Variants in CHI3L1 observed in about 807,000 individuals in gnomAD.
CHI3L1 encodes the protein chitinase 3 like 1.
A neutral mutation model predicts 40.7 loss-of-function variants in CHI3L1; 30 were observed. The observed-to-expected ratio is 0.74, with a 90% confidence interval of 0.55 to 1.00. The LOEUF (loss-of-function observed/expected upper bound fraction) is 1.00, where lower values mean the gene tolerates loss of function less well. Among genes scored for constraint, CHI3L1 ranks in the 50% least tolerant of loss-of-function variants. CHI3L1 has a pLI of 0.00. For synonymous variants in CHI3L1, 210 were observed against 192.1 expected, an observed-to-expected ratio of 1.09 and a Z score of -0.77; for missense variants, 493 against 492.2, an observed-to-expected ratio of 1.00 and a Z score of -0.01.
At chr1:203,185,425 G>T (rs377244642) in intron 2 of CHI3L1, 40 bp from the exon 3 acceptor site, 11 of 1,583,888 alleles carry the variant, frequency 6.9e-6, no homozygotes, top group South Asian at 1.1e-5. Context: ...GCCAGGATTC[G>T]GCAAGAGACC....
At chr1:203,184,524 C>G in intron 4 of CHI3L1, 52 bp downstream of exon 4, 1 of 1,476,370 alleles carries the variant, frequency 6.8e-7, no homozygotes, top group South Asian at 1.1e-5. Context: ...CCAAGCTCCT[C>G]ACTCCTATGC....
Position 203,180,506 on chromosome 1 carries a change from C to T in CHI3L1, c.858G>A (p.Arg286=). The change falls in exon 8 of 10, where the codon CGG becomes CGA. Residue 286 remains arginine (R), a synonymous_variant. Transcript: ENST00000255409. ...APISGPGIPG[R]FTKEAGTLAY... is the part of the protein sequence containing the mutation. ...CAAGGGTCCCTGCCTCCTTGGTGAA[C>T]CGGCCTGGAATTCCCGGTCCTGAGA... The T allele has an allele frequency of 6.2e-7, 1 of 1,604,842 alleles. No homozygotes were observed. The highest frequency in any genetic ancestry group is 8.5e-7 in the Non-Finnish European group (1 of 1,176,784).
chr1:203,182,902 G>A (rs991275574), intron 5 of CHI3L1, 50 bp from the exon 6 acceptor site: 9 of 1,603,940 alleles, frequency 5.6e-6, no homozygotes, highest in African/African-American at 4.0e-5. Flanking sequence ...TGGCATGAGA[G>A]GTAGACTCAT....
At position 203,186,306 on chromosome 1, in the gene CHI3L1, G is replaced by A. The variant is rs1020608833; in HGVS notation, c.55+10C>T. On this transcript the variant is annotated intron_variant, in intron 2 of 9. Coordinates refer to ENST00000255409, the MANE Select transcript of CHI3L1 (RefSeq NM_001276.4). The stretch of plus-strand genomic sequence containing the variant: ...CTGGACTTAAAAGTGGAGGTGGAGG[G>A]ATTACTCACAGCACTGGAGCAGCAC... 1 of 1,584,712 alleles carries A rather than the reference G, an allele frequency of 6.3e-7. No individual in the cohort carries two copies. The highest frequency in any genetic ancestry group is 1.3e-5 in the African/African-American group (1 of 74,334).
Position 203,183,649 on chromosome 1 carries a change from G to A in CHI3L1, c.457C>T (p.Leu153=). 6.2e-7 allele frequency: 1 copy of A among 1,614,096 alleles called. No homozygotes were observed. ...GRRDKQHFTT[L]IKEMKAEFIK... is the part of the protein sequence containing the mutation. ...CCTGACCTGACCAGCACCTTGATTA[G>A]GGTGGTAAAATGCTGTTTGTCTCTC... Residue 153 remains leucine, a synonymous_variant, in exon 5 of 10, where the codon CTA becomes TTA. Coordinates refer to ENST00000255409, the MANE Select transcript of CHI3L1 (RefSeq NM_001276.4).
chr1:203,179,834 C>T lies in CHI3L1; in HGVS notation c.938G>A (p.Gly313Asp). 6.2e-7 allele frequency: 1 copy of T among 1,614,142 alleles called. No individual in the cohort carries two copies. The highest frequency in any genetic ancestry group is 2.2e-5 in the East Asian group (1 of 44,870). Residue 313 changes from glycine (G) to aspartate (D), a missense_variant, in exon 9 of 10, where the codon GGC becomes GAC. By Grantham distance (94) the Gly-to-Asp change is moderately conservative. Transcript: ENST00000255409. ...LRGATVHRIL[G>D]QQVPYATKGN... ...CTTGGTGGCATAGGGGACCTGCTGG[C>T]CGAGGATTCTATGGACTGTGGCTCC...
rs552361269 is a variant in CHI3L1, at chr1:203,184,720, G to A, written c.258-88C>T. 5 of 1,165,302 alleles carry A rather than the reference G, an allele frequency of 4.3e-6. No individual in the cohort carries two copies. In the African/African-American group the frequency reaches 7.6e-5, roughly 18 times the overall value. 72.2% of individuals were successfully genotyped at this position (1,165,302 alleles called of 1,614,324 possible). On this transcript the variant is annotated intron_variant, in intron 3 of 9. Transcript: ENST00000255409. Reference sequence around the variant, plus strand: ...CCCCATGTCTGAGAGGCCATAGAAGGTTTCCTGCTTTGGGTGAGAGGCTGG... The same window carrying A: ...CCCCATGTCTGAGAGGCCATAGAAGATTTCCTGCTTTGGGTGAGAGGCTGG...
At position 203,186,310 on chromosome 1, in the gene CHI3L1, AC is replaced by A; in HGVS notation, c.55+5del. On this transcript the variant is annotated splice_donor_5th_base_variant and intron_variant, in intron 2 of 9. Coordinates refer to ENST00000255409, the MANE Select transcript of CHI3L1 (RefSeq NM_001276.4). ...ACTTAAAAGTGGAGGTGGAGGGATT[AC>A]TCACAGCACTGGAGCAGCACCAGGA... The A allele has an allele frequency of 6.3e-7, 1 of 1,586,104 alleles. No individual in the cohort carries two copies. The highest frequency in any genetic ancestry group is 8.6e-7 in the Non-Finnish European group (1 of 1,165,168).
chr1:203,184,959 C>G (rs1656024014), intron 3 of CHI3L1, among the ~76,000 whole-genome samples: 2 of 152,098 alleles, frequency 1.3e-5, no homozygotes, highest in South Asian at 4.1e-4. Context: ...GGAGAGGGTT[C>G]CCCTCTCCCA....
In CHI3L1 at chr1:203,186,700, G is replaced by T; in HGVS notation, c.-77C>A. 3 of 1,556,936 alleles carry T rather than the reference G, an allele frequency of 1.9e-6. No homozygotes were observed. Among genetic ancestry groups the T allele is most frequent in the Non-Finnish European group, 2.7e-6 (3 of 1,129,290 alleles). On this transcript the variant is annotated 5_prime_UTR_variant, in exon 1 of 10. Transcript: ENST00000255409. ...TCCTGGTGCCAGCTACCTAGACAGG[G>T]CCTCTTCCCCAGGCCCTGTACTTCC...
In CHI3L1 at chr1:203,185,215, G is replaced by A; in HGVS notation, c.226C>T (p.Leu76Phe). The change falls in exon 3 of 10, where the codon CTC (leucine) becomes TTC (phenylalanine). Residue 76 changes from leucine (L) to phenylalanine (F), a missense_variant. Physicochemically the swap from Leu to Phe is conservative, Grantham distance 22. Coordinates refer to ENST00000255409, the MANE Select transcript of CHI3L1 (RefSeq NM_001276.4). ...TTGAGTGTGTTGAGCATGCCGTAGA[G>A]CGTCACATCATTCCACTCCCAGGTG... ...IDTWEWNDVT[L>F]YGMLNTLKNR... 1 of 1,614,146 alleles carries A rather than the reference G, an allele frequency of 6.2e-7. No individual in the cohort carries two copies. Among genetic ancestry groups the A allele is most frequent in the Non-Finnish European group, 8.5e-7 (1 of 1,179,988 alleles).
Position 203,185,347 on chromosome 1 carries a change from A to G in CHI3L1, c.94T>C (p.Ser32Pro). ...YKLVCYYTSW[S>P]QYREGDGSCF... ...CTCCCATCGCCTTCCCGGTACTGGG[A>G]CCAGCTGGTGTAGTAGCAGACCAGT... The change falls in exon 3 of 10, where the codon TCC becomes CCC. Residue 32 changes from serine (S) to proline (P), a missense_variant. By Grantham distance (74) the Ser-to-Pro change is moderately conservative (BLOSUM62 -1). Coordinates refer to ENST00000255409, the MANE Select transcript of CHI3L1 (RefSeq NM_001276.4). 1 of 1,614,092 alleles carries G rather than the reference A, an allele frequency of 6.2e-7. No individual in the cohort carries two copies. Among genetic ancestry groups the G allele is most frequent in the South Asian group, 1.1e-5 (1 of 91,076 alleles).
intron 2 of CHI3L1, among the ~76,000 whole-genome samples, chr1:203,185,827 G>A (rs1392669691): frequency 6.6e-6 from 1 of 152,172 alleles, no homozygotes; most frequent in Non-Finnish European, 1.5e-5. Context: ...CTTCATCCAT[G>A]AGGGACTCTG....
Position 203,179,362 on chromosome 1 carries a change from G to A in CHI3L1, c.*83C>T, listed in dbSNP as rs1655876078. 8 of 1,261,950 alleles carry A rather than the reference G, an allele frequency of 6.3e-6. No individual in the cohort carries two copies. The highest frequency in any genetic ancestry group is 3.0e-5 in the African/African-American group (2 of 66,674). The allele number at this position is 1,261,950 out of a possible 1,614,324, so 78.2% of individuals were successfully genotyped here. ...TGAGGCTCAGCCTGGGACTCAGCAG[G>A]GCAGGTGATCAGGCTCCCGGCCAGC... is the stretch of plus-strand genomic sequence containing the variant. On this transcript the variant is annotated 3_prime_UTR_variant, in exon 10 of 10. Transcript: ENST00000255409.
intron 8 of CHI3L1, 106 bp downstream of exon 8, chr1:203,180,364 T>C (rs1283879754): frequency 2.7e-6 from 3 of 1,102,242 alleles, no homozygotes; most frequent in Non-Finnish European, 3.9e-6. Context: ...CAACCGGACA[T>C]TTTCTTTATT....
intron 4 of CHI3L1, 82 bp from the exon 5 acceptor site, chr1:203,183,873 G>C (rs1571828999): frequency 1.3e-6 from 2 of 1,491,858 alleles, no homozygotes; most frequent in East Asian, 4.5e-5. Context: ...TCCAGGACCT[G>C]CAGAGCTGGG....
Position 203,186,649 on chromosome 1 carries a change from G to C in CHI3L1, c.-26C>G, listed in dbSNP as rs747698896. 9.3e-6 allele frequency: 15 copies of C among 1,614,010 alleles called. No homozygotes were observed. In the East Asian group the frequency reaches 3.3e-4, roughly 36 times the overall value. ...TCTGGCTGCAGCAGAGCAGGGCAGGGTGTGGCCTCTTCCCTTGCCCACGGC... is the reference window on the plus strand; with the variant it reads ...TCTGGCTGCAGCAGAGCAGGGCAGGCTGTGGCCTCTTCCCTTGCCCACGGC... On this transcript the variant is annotated 5_prime_UTR_variant, in exon 1 of 10. Coordinates refer to ENST00000255409, the MANE Select transcript of CHI3L1 (RefSeq NM_001276.4).
intron 4 of CHI3L1, 140 bp from the exon 5 acceptor site, chr1:203,183,931 G>A (rs796922838): frequency 1.5e-5 from 14 of 926,094 alleles, no homozygotes; most frequent in African/African-American, 6.5e-5. Flanking sequence ...GACAGGGGTC[G>A]CCTCCAGGCA....
Position 203,179,567 on chromosome 1 carries a change from T to C in CHI3L1, c.1030A>G (p.Arg344Gly). The change falls in exon 10 of 10, where the codon AGG becomes GGG. Residue 344 changes from arginine to glycine, a missense_variant. By Grantham distance (125) the Arg-to-Gly change is moderately radical. Coordinates refer to ENST00000255409, the MANE Select transcript of CHI3L1 (RefSeq NM_001276.4). The stretch of plus-strand genomic sequence containing the variant: ...CATACCATGGCGCCCGCCAGCTGCC[T>C]GTCCTTCAGGTACTGCACCTGGCAG... ...VKSKVQYLKD[R>G]QLAGAMVWAL... The C allele has an allele frequency of 6.2e-7, 1 of 1,609,458 alleles. No individual in the cohort carries two copies. Among genetic ancestry groups the C allele is most frequent in the South Asian group, 1.1e-5 (1 of 91,024 alleles).
Sources: allele counts gnomAD v4.1 joint callset (sites outside exome capture counted in the v4.1 genomes callset), GRCh38; gene constraint gnomAD v4.1.1; transcripts MANE v1.5; gene names NCBI Gene and HGNC (gene_info 2026-07-23, HGNC 2026-07-21).